SH3GL3: variants seen among roughly 807,000 people sequenced by gnomAD.
The protein encoded by SH3GL3 is endophilin-A3.
SH3GL3 carries 33 observed loss-of-function variants against 47.7 expected under a neutral mutation model. The ratio of observed to expected loss-of-function variants is 0.69; its 90% CI spans 0.52 to 0.92. The LOEUF is 0.92. SH3GL3 is among the 40% of genes least tolerant of loss of function. The pLI, the probability that SH3GL3 is intolerant of heterozygous loss-of-function variation, is 0.00. For missense variants in SH3GL3, 363 were observed against 417.8 expected, an observed-to-expected ratio of 0.87 and a Z score of 1.14; for synonymous variants, 155 against 148.8, an observed-to-expected ratio of 1.04 and a Z score of -0.30.
intron 7 of SH3GL3, among the ~76,000 whole-genome samples, chr15:83,588,445 T>C (rs2060007746): frequency 6.6e-6 from 1 of 152,186 alleles, no homozygotes; most frequent in African/African-American, 2.4e-5. Flanking sequence ...TTCTTCAAGA[T>C]GAATTTCACT....
At chr15:83,516,148 T>G (rs757355245) in intron 1 of SH3GL3, among the ~76,000 whole-genome samples, 2 of 152,122 alleles carry the variant, frequency 1.3e-5, no homozygotes, top group African/African-American at 2.4e-5. Flanking sequence ...CTGGCAAGGC[T>G]CAATTTCATG....
At chr15:83,560,319 GTTTT>G (rs2045201019) in intron 2 of SH3GL3, among the ~76,000 whole-genome samples, 1 of 152,150 alleles carries the variant, frequency 6.6e-6, no homozygotes, top group Non-Finnish European at 1.5e-5. Flanking sequence ...GGAGTTCTCT[GTTTT>G]CTGGATGAGA....
intron 2 of SH3GL3, among the ~76,000 whole-genome samples, chr15:83,561,660 A>G (rs2045279912): frequency 6.6e-6 from 1 of 152,188 alleles, no homozygotes; most frequent in South Asian, 2.1e-4. Flanking sequence ...ACAAACCTCT[A>G]CCAAGTGAGG....
At chr15:83,560,818 T>C (rs530212444) in intron 2 of SH3GL3, among the ~76,000 whole-genome samples, 1 of 152,254 alleles carries the variant, frequency 6.6e-6, no homozygotes, top group Non-Finnish European at 1.5e-5. Context: ...TAATTAATGC[T>C]AACCATATAA....
rs1157116622 is a variant in SH3GL3, at chr15:83,533,210, C to T, written c.46-26043C>T. 5.3e-5 allele frequency among the ~76,000 whole-genome samples: 8 copies of T among 151,944 alleles called. No homozygotes were observed. In the East Asian group the frequency reaches 1.5e-3, roughly 29 times the overall value. ...GAGTATGGACTAGAAAGGGTGGTAGCCAGAGTAGAATATGGGGAAATAATG... is the reference window on the plus strand; with the variant it reads ...GAGTATGGACTAGAAAGGGTGGTAGTCAGAGTAGAATATGGGGAAATAATG... On this transcript the variant is annotated intron_variant, in intron 1 of 8. Transcript: ENST00000427482.
intron 1 of SH3GL3, among the ~76,000 whole-genome samples, chr15:83,540,283 T>C (rs2044095920): frequency 6.6e-6 from 1 of 152,196 alleles, no homozygotes; most frequent in African/African-American, 2.4e-5. Context: ...TTTGTAGTTA[T>C]TTGCTACAGT....
At chr15:83,590,529 C>T (rs918697092) in intron 8 of SH3GL3, among the ~76,000 whole-genome samples, 1 of 152,158 alleles carries the variant, frequency 6.6e-6, no homozygotes, top group African/African-American at 2.4e-5. Context: ...ATTTCACATC[C>T]CCACCAGCAA....
chr15:83,525,197 T>C (rs911373844), intron 1 of SH3GL3, among the ~76,000 whole-genome samples: 1 of 152,078 alleles, frequency 6.6e-6, no homozygotes, highest in Non-Finnish European at 1.5e-5. Flanking sequence ...TGATAGCCAT[T>C]CGAATTTGAT....
At chr15:83,467,607 A>G (rs2040625466) in intron 1 of SH3GL3, among the ~76,000 whole-genome samples, 1 of 152,250 alleles carries the variant, frequency 6.6e-6, no homozygotes, top group Admixed American at 6.5e-5. Context: ...AAACCTGTAT[A>G]TCCATTTGGA....
chr15:83,555,810 A>G (rs554735343), intron 1 of SH3GL3, among the ~76,000 whole-genome samples: 95 of 152,352 alleles, frequency 6.2e-4, no homozygotes, highest in Non-Finnish European at 1.1e-3. Flanking sequence ...GCTGGCTGTC[A>G]TAGCCTGTGT....
At chr15:83,467,885 T>G (rs891033760) in intron 1 of SH3GL3, among the ~76,000 whole-genome samples, 10 of 152,240 alleles carry the variant, frequency 6.6e-5, no homozygotes, top group African/African-American at 2.4e-4. Flanking sequence ...TAGAGTGCAG[T>G]GGCACAATCT....
intron 3 of SH3GL3, chr15:83,565,883 T>C (rs1365541989): frequency 6.6e-6 from 1 of 152,226 alleles, no homozygotes; most frequent in African/African-American, 2.4e-5. Context: ...AGCACAAACC[T>C]AACCATTTGA....
intron 6 of SH3GL3, among the ~76,000 whole-genome samples, chr15:83,580,772 C>T (rs577071010): frequency 3.9e-5 from 6 of 152,290 alleles, no homozygotes; most frequent in African/African-American, 9.6e-5. Context: ...CAGCCTGAGA[C>T]GCTGAAGCTG....
intron 8 of SH3GL3, among the ~76,000 whole-genome samples, chr15:83,590,247 T>A (rs561808094): frequency 1.3e-5 from 2 of 152,318 alleles, no homozygotes; most frequent in East Asian, 3.9e-4. Context: ...TTTGCTGTTG[T>A]TTGCTTTGTT....
At chr15:83,473,019 G>A (rs1475095769) in intron 1 of SH3GL3, among the ~76,000 whole-genome samples, 1 of 152,112 alleles carries the variant, frequency 6.6e-6, no homozygotes. Context: ...TCTCTGGTTG[G>A]GAGGGGTATG....
chr15:83,569,409 A>C (rs184976418), intron 4 of SH3GL3, among the ~76,000 whole-genome samples: 1 of 152,346 alleles, frequency 6.6e-6, no homozygotes, highest in African/African-American at 2.4e-5. Context: ...TTACTAAATA[A>C]ATGTTTCTTT....
intron 1 of SH3GL3, among the ~76,000 whole-genome samples, chr15:83,527,066 C>T (rs1415121097): frequency 2.0e-5 from 3 of 152,010 alleles, no homozygotes; most frequent in Non-Finnish European, 4.4e-5. Flanking sequence ...GATTTTGTAG[C>T]CTGAAACTGT....
Position 83,605,886 on chromosome 15 carries a change from C to T in SH3GL3, c.839-12196C>T, listed in dbSNP as rs1466968310. On this transcript the variant is annotated intron_variant, in intron 8 of 8. Transcript: ENST00000427482. ...ATGTGCCTGTGTAGCTCCCAGAAAA[C>T]CACTGATGTTGAAGAAAATAGTGTA... Among the ~76,000 whole-genome samples, 5 of 152,098 alleles carry T rather than the reference C, an allele frequency of 3.3e-5. No homozygotes were observed. The East Asian group carries it at 9.6e-4, about 29-fold the overall frequency.
At chr15:83,499,169 G>GCTCTATCTTT (rs1414881875) in intron 1 of SH3GL3, among the ~76,000 whole-genome samples, 1 of 151,956 alleles carries the variant, frequency 6.6e-6, no homozygotes, top group Admixed American at 6.6e-5. Flanking sequence ...ATGATCAGGG[G>GCTCTATCTTT]CTCTATCTTT....
Sources: gnomAD v4.1 joint callset for allele counts (sites outside exome capture counted in the v4.1 genomes callset) on GRCh38, gnomAD v4.1.1 for gene constraint, MANE v1.5 for transcripts, NCBI Gene and HGNC (gene_info 2026-07-23, HGNC 2026-07-21) for gene names.